The following ABCB5 variants were observed in gnomAD, a reference collection of about 807,000 sequenced individuals.
ABCB5 encodes ATP binding cassette subfamily B member 5.
Under a neutral mutation model 144.2 loss-of-function variants are expected in ABCB5, and 155 were observed. The observed-to-expected ratio is 1.08, with a 90% CI of 0.94 to 1.23. ABCB5 has a LOEUF of 1.23. ABCB5 is among the 50% of genes most tolerant of loss of function. The pLI is 0.00. For synonymous variants in ABCB5, 610 were observed against 528.6 expected (o/e 1.15, Z -2.11); for missense variants, 1,830 against 1,520.8 (o/e 1.20, Z -3.38).
At chr7:20,671,781 A>G (rs1785465253) in intron 14 of ABCB5, among the ~76,000 whole-genome samples, 1 of 152,240 alleles carries the variant, frequency 6.6e-6, no homozygotes, top group South Asian at 2.1e-4. Flanking sequence ...AAGCTGTTCT[A>G]AACATTCATA....
intron 20 of ABCB5, among the ~76,000 whole-genome samples, chr7:20,719,235 A>AT (rs748818189): frequency 7.3e-5 from 11 of 150,156 alleles, no homozygotes; most frequent in Non-Finnish European, 1.2e-4. Flanking sequence ...AGGGGCCCTC[A>AT]TTTTTTTTTA....
intron 1 of ABCB5, among the ~76,000 whole-genome samples, chr7:20,622,773 G>A (rs1377037506): frequency 6.6e-6 from 1 of 151,946 alleles, no homozygotes; most frequent in Non-Finnish European, 1.5e-5. Flanking sequence ...CTAATTTTTT[G>A]TAACTGTTAA....
At chr7:20,695,451 A>C (rs1786378591) in intron 16 of ABCB5, among the ~76,000 whole-genome samples, 1 of 152,016 alleles carries the variant, frequency 6.6e-6, no homozygotes, top group South Asian at 2.1e-4. Flanking sequence ...AAAACCTAAA[A>C]TAATAAAACT....
At chr7:20,644,340 A>T (rs1784358781) in intron 7 of ABCB5, among the ~76,000 whole-genome samples, 2 of 152,134 alleles carry the variant, frequency 1.3e-5, no homozygotes, top group Admixed American at 1.3e-4. Flanking sequence ...CGGCCCCACA[A>T]ACTGCTGGGA....
chr7:20,643,814 T>C (rs1328007638), intron 7 of ABCB5, among the ~76,000 whole-genome samples, 182 bp downstream of exon 7: 1 of 152,256 alleles, frequency 6.6e-6, no homozygotes, highest in Non-Finnish European at 1.5e-5. Flanking sequence ...CTTCAAGTTA[T>C]TTGGCTAAGA....
intron 27 of ABCB5, among the ~76,000 whole-genome samples, chr7:20,753,952 A>C (rs1377963208): frequency 6.6e-6 from 1 of 152,200 alleles, no homozygotes; most frequent in Non-Finnish European, 1.5e-5. Context: ...TTTGAGCGGG[A>C]AACAAGGAGG....
At chr7:20,724,941 G>C (rs1349109015) in intron 21 of ABCB5, among the ~76,000 whole-genome samples, 1 of 152,078 alleles carries the variant, frequency 6.6e-6, no homozygotes, top group Admixed American at 6.5e-5. Flanking sequence ...ATTCGCCTCA[G>C]AGACAGTAAA....
chr7:20,690,843 G>T (rs1285444528), intron 16 of ABCB5, among the ~76,000 whole-genome samples: 1 of 152,114 alleles, frequency 6.6e-6, no homozygotes, highest in African/African-American at 2.4e-5. Flanking sequence ...TTGTATCATA[G>T]ACACCAAAAA....
intron 20 of ABCB5, among the ~76,000 whole-genome samples, chr7:20,722,645 C>A (rs1781907052): frequency 6.6e-6 from 1 of 152,002 alleles, no homozygotes. Flanking sequence ...CATGGCGAAA[C>A]CCCATCTCTA....
chr7:20,669,089 C>T (rs1406034714), intron 14 of ABCB5, among the ~76,000 whole-genome samples: 19 of 151,028 alleles, frequency 1.3e-4, no homozygotes, highest in African/African-American at 4.4e-4. Context: ...GCCGCCCCGT[C>T]CGGGAGGATG....
chr7:20,688,350 G>C (rs1786073336), intron 16 of ABCB5, among the ~76,000 whole-genome samples: 1 of 152,292 alleles, frequency 6.6e-6, no homozygotes, highest in Non-Finnish European at 1.5e-5. Flanking sequence ...GAAAGAGAAA[G>C]TTTAGTATAA....
chr7:20,649,366 G>A (rs1213395325), intron 11 of ABCB5, among the ~76,000 whole-genome samples: 1 of 152,148 alleles, frequency 6.6e-6, no homozygotes, highest in Non-Finnish European at 1.5e-5. Context: ...ACATACAGAT[G>A]CAAGCAAAGA....
chr7:20,659,223 G>C (rs1337355690), intron 14 of ABCB5: 2 of 1,577,042 alleles, frequency 1.3e-6, no homozygotes, highest in Non-Finnish European at 1.7e-6. Context: ...ATGCAGTTGT[G>C]GCCCTGCACC....
intron 16 of ABCB5, among the ~76,000 whole-genome samples, chr7:20,688,464 A>G (rs1786080299): frequency 6.6e-6 from 1 of 152,136 alleles, no homozygotes; most frequent in Non-Finnish European, 1.5e-5. Flanking sequence ...AAAAGTCAGG[A>G]AACAACAGGT....
chr7:20,637,359 G>A (rs1784181625), intron 5 of ABCB5, among the ~76,000 whole-genome samples: 1 of 151,892 alleles, frequency 6.6e-6, no homozygotes, highest in Admixed American at 6.6e-5. Context: ...ACTAAATAGT[G>A]CCAGGACTAC....
chr7:20,666,179 A>G (rs113010173), intron 14 of ABCB5, among the ~76,000 whole-genome samples: 34,494 of 151,402 alleles, frequency 0.23, 4,387 homozygotes, highest in African/African-American at 0.34. Flanking sequence ...TCAAAAAAAA[A>G]AAAAAAAAAA....
intron 1 of ABCB5, among the ~76,000 whole-genome samples, chr7:20,619,312 T>C (rs1445454333): frequency 6.6e-6 from 1 of 152,184 alleles, no homozygotes; most frequent in African/African-American, 2.4e-5. Context: ...CAGCCTTATA[T>C]AAGTGTTCCC....
rs145571773 is a variant in ABCB5 at position 20,684,334 on chromosome 7, C to T, written c.1870-1362C>T. On this transcript the variant is annotated intron_variant, in intron 15 of 27. Coordinates refer to ENST00000404938, the MANE Select transcript of ABCB5 (RefSeq NM_001163941.2). ...CTGTCATCATTATTTTGTCCAGCGA[C>T]CTTCTCAAGAAAAGAAAATTTCCTT... 5.4e-4 allele frequency among the ~76,000 whole-genome samples: 82 copies of T among 152,264 alleles called. 1 individual carries two copies. The East Asian group carries it at 0.015, about 28-fold the overall frequency.
At chr7:20,682,347 T>C (rs1033349345) in intron 15 of ABCB5, among the ~76,000 whole-genome samples, 4 of 152,084 alleles carry the variant, frequency 2.6e-5, no homozygotes, top group South Asian at 2.1e-4. Context: ...ATTGTGCATA[T>C]AGATATTATT....
Sources: allele counts gnomAD v4.1 joint callset (sites outside exome capture counted in the v4.1 genomes callset), GRCh38; gene constraint gnomAD v4.1.1; transcripts MANE v1.5; gene names NCBI Gene and HGNC (gene_info 2026-07-23, HGNC 2026-07-21).